Variants in MEGF11 observed in about 807,000 individuals in gnomAD.
MEGF11 encodes multiple EGF like domains 11, also known as multiple epidermal growth factor-like domains protein 11.
Under a neutral mutation model 146.6 loss-of-function variants are expected in MEGF11, and 126 were observed. That is an observed-to-expected ratio of 0.86 (90% CI 0.74 to 1.00). The LOEUF (loss-of-function observed/expected upper bound fraction) is 1.00. MEGF11 is among the 50% of genes least tolerant of loss of function. The pLI, the probability that MEGF11 is intolerant of heterozygous loss-of-function variation, is 0.00. For missense variants in MEGF11, 1,509 were observed against 1,521.2 expected, an observed-to-expected ratio of 0.99 and a Z score of 0.13; for synonymous variants, 532 against 583.4, an observed-to-expected ratio of 0.91 and a Z score of 1.27.
At chr15:66,085,559 G>A (rs544366997) in intron 5 of MEGF11, among the ~76,000 whole-genome samples, 1 of 152,330 alleles carries the variant, frequency 6.6e-6, no homozygotes, top group South Asian at 2.1e-4. Flanking sequence ...CAGGTAGCTA[G>A]ACCCAGATGA....
At chr15:66,053,565 C>T (rs1372637962) in intron 5 of MEGF11, among the ~76,000 whole-genome samples, 1 of 151,962 alleles carries the variant, frequency 6.6e-6, no homozygotes, top group Non-Finnish European at 1.5e-5. Flanking sequence ...AGCCATCCTG[C>T]CTTCTGTGAT....
intron 9 of MEGF11, among the ~76,000 whole-genome samples, chr15:65,960,029 T>C (rs1324611387): frequency 6.6e-6 from 1 of 152,224 alleles, no homozygotes; most frequent in African/African-American, 2.4e-5. Flanking sequence ...TGTTTAATGA[T>C]ATAAGGTCAA....
Position 65,982,928 on chromosome 15 carries a change from T to C in MEGF11, c.395-440A>G, listed in dbSNP as rs1484995629. On this transcript the variant is annotated intron_variant, in intron 5 of 25. Transcript: ENST00000395614. The surrounding 1 kb of genome is among the most constrained non-coding windows in gnomAD (Gnocchi z 5.6). ...CCTCTCCTCTGTGACCCTACCCCTC[T>C]CTTCTTGGGACCTGCGGGACCCAGC... is the stretch of plus-strand genomic sequence containing the variant. Among the ~76,000 whole-genome samples, 1 of 151,936 alleles carries C rather than the reference T, an allele frequency of 6.6e-6. No individual in the cohort carries two copies. The highest frequency in any genetic ancestry group is 1.5e-5 in the Non-Finnish European group (1 of 67,984).
intron 5 of MEGF11, among the ~76,000 whole-genome samples, chr15:66,019,643 G>A (rs1214780342): frequency 6.6e-6 from 1 of 152,218 alleles, no homozygotes; most frequent in South Asian, 2.1e-4. Context: ...CGCTGTTTCC[G>A]GAATGCTGCT....
chr15:65,927,753 G>T (rs1031875812), intron 13 of MEGF11, among the ~76,000 whole-genome samples: 2 of 152,232 alleles, frequency 1.3e-5, no homozygotes, highest in African/African-American at 2.4e-5. Context: ...TGCAGCCCTG[G>T]TGGCTGGAAT....
At chr15:65,946,902 C>A (rs1306906905) in intron 10 of MEGF11, among the ~76,000 whole-genome samples, 2 of 152,220 alleles carry the variant, frequency 1.3e-5, no homozygotes. Flanking sequence ...CCCTCCTCGA[C>A]ACCTGTGCCT....
At chr15:66,079,263 G>A (rs544799257) in intron 5 of MEGF11, among the ~76,000 whole-genome samples, 5 of 152,172 alleles carry the variant, frequency 3.3e-5, no homozygotes, top group African/African-American at 4.8e-5. Context: ...GACAGATGAG[G>A]ACCCTCAGAA....
chr15:66,030,128 GCACA>G (rs1038064237), intron 5 of MEGF11, among the ~76,000 whole-genome samples: 43 of 152,296 alleles, frequency 2.8e-4, no homozygotes, highest in African/African-American at 1.0e-3. Context: ...AAACACCTGA[GCACA>G]CACAGAGATT....
At chr15:66,116,289 C>T (rs991399668) in intron 4 of MEGF11, among the ~76,000 whole-genome samples, 10 of 152,098 alleles carry the variant, frequency 6.6e-5, no homozygotes, top group Non-Finnish European at 1.2e-4. Context: ...GTGTTAGTCC[C>T]GCCTTCCCGT....
chr15:66,122,574 C>T (rs529740017), intron 3 of MEGF11, among the ~76,000 whole-genome samples: 1 of 152,300 alleles, frequency 6.6e-6, no homozygotes, highest in East Asian at 1.9e-4. Flanking sequence ...AGGAAAAGGG[C>T]CCACCCTGGG....
At chr15:66,157,371 G>C (rs1032882071) in intron 1 of MEGF11, among the ~76,000 whole-genome samples, 1 of 152,180 alleles carries the variant, frequency 6.6e-6, no homozygotes, top group Non-Finnish European at 1.5e-5. Flanking sequence ...GTGAGCAAGG[G>C]AGTGCAAGGT....
intron 5 of MEGF11, among the ~76,000 whole-genome samples, chr15:65,994,492 G>A (rs1475866949): frequency 6.6e-6 from 1 of 152,224 alleles, no homozygotes; most frequent in Non-Finnish European, 1.5e-5. Flanking sequence ...TCATGCTGGA[G>A]CTGGGGGCCT....
rs138164174 is a variant in MEGF11 at position 66,100,425 on chromosome 15, G to A, written c.302-5931C>T. 4.1e-3 allele frequency among the ~76,000 whole-genome samples: 621 copies of A among 152,276 alleles called. 4 individuals are homozygous for A. Among genetic ancestry groups the A allele is most frequent in the Non-Finnish European group, 6.6e-3 (450 of 68,026 alleles). On this transcript the variant is annotated intron_variant, in intron 4 of 25. Coordinates refer to ENST00000395614, the MANE Select transcript of MEGF11 (RefSeq NM_001385028.1). ...AAGGGCCGCACTTCAATTCCCACAG[G>A]CCAGGGTGTAAGGTCAGAGAACAGA...
intron 5 of MEGF11, among the ~76,000 whole-genome samples, chr15:65,989,155 A>G (rs1047396804): frequency 6.6e-6 from 1 of 151,970 alleles, no homozygotes; most frequent in African/African-American, 2.4e-5. Flanking sequence ...CTCTGTTCTC[A>G]CTGGTCCTCT....
chr15:66,252,519 C>A (rs1447425189), intron 1 of MEGF11, among the ~76,000 whole-genome samples: 1 of 152,106 alleles, frequency 6.6e-6, no homozygotes, highest in African/African-American at 2.4e-5. Context: ...TGCGGGGCAC[C>A]GATCCCGAGA....
intron 5 of MEGF11, among the ~76,000 whole-genome samples, chr15:65,996,756 G>T (rs1041257597): frequency 1.3e-5 from 2 of 152,166 alleles, no homozygotes; most frequent in Non-Finnish European, 2.9e-5. Context: ...AGAGTGCTGG[G>T]ATTACAGGCG....
intron 5 of MEGF11, among the ~76,000 whole-genome samples, chr15:66,020,147 T>A (rs1352331609): frequency 6.6e-6 from 1 of 152,228 alleles, no homozygotes; most frequent in Non-Finnish European, 1.5e-5. Context: ...CCCCTAGGAT[T>A]AGATCATTCA....
chr15:65,939,782 C>T (rs75015063), intron 10 of MEGF11, among the ~76,000 whole-genome samples: 10,216 of 152,144 alleles, frequency 0.067, 388 homozygotes, highest in Middle Eastern at 0.11. Context: ...CGTGAGCCAC[C>T]GTGCCCAGCC....
intron 1 of MEGF11, among the ~76,000 whole-genome samples, chr15:66,130,276 T>C (rs997029719): frequency 1.3e-5 from 2 of 152,146 alleles, no homozygotes; most frequent in Non-Finnish European, 2.9e-5. Context: ...TAATCAGGCA[T>C]CAAATAAAGA....
Sources: allele counts gnomAD v4.1 joint callset (sites outside exome capture counted in the v4.1 genomes callset), GRCh38; gene constraint gnomAD v4.1.1; non-coding constraint Gnocchi (gnomAD v3.1); transcripts MANE v1.5; gene names NCBI Gene and HGNC (gene_info 2026-07-23, HGNC 2026-07-21).